RPS4Y1: variants seen among roughly 807,000 people sequenced by gnomAD.
RPS4Y1 encodes the protein ribosomal protein S4 Y-linked 1.
For missense variants in RPS4Y1, 30 were observed against 60.9 expected, an observed-to-expected ratio of 0.49 and a Z score of 1.69; for synonymous variants, 23 against 20.8, an observed-to-expected ratio of 1.10 and a Z score of -0.28.
intron 4 of RPS4Y1, among the ~76,000 whole-genome samples, chrY:2,851,245 A>T (rs2051156172): frequency 3.0e-5 from 1 of 33,474 alleles, no homozygotes; most frequent in Admixed American, 2.7e-4. Context: ...GTAAGTGGTC[A>T]CTGGATTGGT....
At chrY:2,863,182 T>C in intron 5 of RPS4Y1, among the ~76,000 whole-genome samples, 1 of 34,050 alleles carries the variant, frequency 2.9e-5, no homozygotes, top group Non-Finnish European at 7.3e-5. Context: ...GTGCCCGTAG[T>C]AGGCACCATT....
chrY:2,866,578 A>G (rs2051167708), intron 6 of RPS4Y1, among the ~76,000 whole-genome samples: 1 of 34,043 alleles, frequency 2.9e-5, no homozygotes, highest in African/African-American at 1.1e-4. Context: ...TTAGCAGCTC[A>G]GCAGTGAGGA....
chrY:2,852,249 G>A (rs898203484), intron 4 of RPS4Y1, among the ~76,000 whole-genome samples: 1 of 33,823 alleles, frequency 3.0e-5, no homozygotes, highest in African/African-American at 1.2e-4. Flanking sequence ...GGACCCAAAG[G>A]CATTCCTAAA....
At chrY:2,851,090 G>A (rs2124489976) in intron 4 of RPS4Y1, among the ~76,000 whole-genome samples, 8 of 31,408 alleles carry the variant, frequency 2.5e-4, no homozygotes, top group African/African-American at 5.0e-4. Flanking sequence ...TGATCCGCCC[G>A]CCTCGGCCTC....
intron 4 of RPS4Y1, among the ~76,000 whole-genome samples, chrY:2,848,136 C>T: frequency 3.0e-5 from 1 of 33,229 alleles, no homozygotes. Flanking sequence ...AAGACTGAAT[C>T]TCATAAAGGT....
chrY:2,851,564 G>A (rs2051156370), intron 4 of RPS4Y1, among the ~76,000 whole-genome samples: 2 of 33,508 alleles, frequency 6.0e-5, no homozygotes, highest in African/African-American at 1.2e-4. Context: ...CTTTAGATTA[G>A]AGGGCAAAGA....
At chrY:2,845,584 G>A in intron 3 of RPS4Y1, 62 bp from the exon 4 acceptor site, 1 of 272,544 alleles carries the variant, frequency 3.7e-6, no homozygotes, top group South Asian at 3.3e-5. Flanking sequence ...TGTTCCTGCT[G>A]TGCAGGCAAA....
At chrY:2,857,882 C>T in intron 5 of RPS4Y1, among the ~76,000 whole-genome samples, 1 of 33,895 alleles carries the variant, frequency 3.0e-5, no homozygotes, top group Non-Finnish European at 7.3e-5. Context: ...CTTCCAGATC[C>T]TGCTGGATGT....
intron 1 of RPS4Y1, 167 bp from the exon 2 acceptor site, chrY:2,841,998 T>C: frequency 5.7e-6 from 2 of 352,257 alleles, no homozygotes; most frequent in Non-Finnish European, 8.1e-6. Flanking sequence ...TGGTCTCTTC[T>C]GGGGTCTGGC....
chrY:2,866,026 G>A, intron 6 of RPS4Y1, among the ~76,000 whole-genome samples: 1 of 33,131 alleles, frequency 3.0e-5, no homozygotes, highest in Non-Finnish European at 7.5e-5. Flanking sequence ...GGACTAAGGC[G>A]CCCGCCACCA....
intron 4 of RPS4Y1, among the ~76,000 whole-genome samples, chrY:2,848,962 T>G (rs2051154457): frequency 3.2e-5 from 1 of 31,048 alleles, no homozygotes; most frequent in African/African-American, 1.3e-4. Flanking sequence ...CCAACCTCCC[T>G]CGTCTGAGTC....
intron 5 of RPS4Y1, among the ~76,000 whole-genome samples, chrY:2,860,005 G>C: frequency 3.0e-5 from 1 of 32,809 alleles, no homozygotes; most frequent in Non-Finnish European, 7.5e-5. Context: ...CTACAAATGA[G>C]CATGACTCAT....
chrY:2,844,511 A>T, intron 3 of RPS4Y1, among the ~76,000 whole-genome samples: 1 of 33,787 alleles, frequency 3.0e-5, no homozygotes, highest in Admixed American at 2.6e-4. Flanking sequence ...GGATTATCAA[A>T]GTTAGGCTCC....
chrY:2,859,983 G>C, intron 5 of RPS4Y1, among the ~76,000 whole-genome samples: 1 of 32,758 alleles, frequency 3.1e-5, no homozygotes, highest in African/African-American at 1.2e-4. Context: ...AAGGGATCTG[G>C]AGAGTTACGC....
intron 1 of RPS4Y1, 25 bp downstream of exon 1, chrY:2,841,652 T>C: frequency 2.6e-6 from 1 of 385,862 alleles, no homozygotes; most frequent in South Asian, 3.0e-5. Context: ...TCCTAACTCC[T>C]AGTATATCTG....
intron 4 of RPS4Y1, among the ~76,000 whole-genome samples, chrY:2,853,405 A>G (rs756541852): frequency 5.9e-5 from 2 of 33,739 alleles, no homozygotes; most frequent in Admixed American, 5.4e-4. Flanking sequence ...AGTTTTTAAT[A>G]TCTTTTAACT....
chrY:2,854,314 G>T, intron 4 of RPS4Y1: 1 of 93,801 alleles, frequency 1.1e-5, no homozygotes, highest in South Asian at 7.6e-5. Flanking sequence ...CAGGCTTTTA[G>T]CCTGTGATAA....
At chrY:2,849,641 GA>G (rs2051154821) in intron 4 of RPS4Y1, among the ~76,000 whole-genome samples, 1 of 33,405 alleles carries the variant, frequency 3.0e-5, no homozygotes, top group African/African-American at 1.2e-4. Flanking sequence ...TGGGACAGAG[GA>G]AAAATAATTG....
At chrY:2,860,463 C>A in intron 5 of RPS4Y1, among the ~76,000 whole-genome samples, 1 of 33,189 alleles carries the variant, frequency 3.0e-5, no homozygotes, top group Non-Finnish European at 7.4e-5. Flanking sequence ...ACCCCCCAAC[C>A]CTGCCCTTTC....
Sources: allele counts gnomAD v4.1 joint callset (sites outside exome capture counted in the v4.1 genomes callset), GRCh38; gene constraint gnomAD v4.1.1; transcripts MANE v1.5; gene names NCBI Gene and HGNC (gene_info 2026-07-23, HGNC 2026-07-21).